Variants in VTI1A observed in about 807,000 individuals in gnomAD.
VTI1A encodes vesicle transport through interaction with t-SNAREs homolog 1A.
In VTI1A, 22 loss-of-function variants were observed where a neutral mutation model predicts 34.9. The observed-to-expected ratio is 0.63, with a 90% CI of 0.45 to 0.90. The LOEUF is 0.90. Among genes scored for constraint, VTI1A ranks in the 40% least tolerant of loss-of-function variants. The probability of loss-of-function intolerance (pLI) is 0.00; values close to 1 mark genes in which losing one functional copy is unlikely to be tolerated. For missense variants in VTI1A, 268 were observed against 275.6 expected (o/e 0.97, Z 0.20); for synonymous variants, 87 against 97.3 (o/e 0.89, Z 0.62).
chr10:112,524,726 T>C (rs1850158976), intron 3 of VTI1A, among the ~76,000 whole-genome samples: 1 of 152,192 alleles, frequency 6.6e-6, no homozygotes, highest in African/African-American at 2.4e-5. Flanking sequence ...TGCCAATTTG[T>C]TGGTATTTTG....
At chr10:112,806,041 G>A (rs1195780074) in intron 7 of VTI1A, among the ~76,000 whole-genome samples, 1 of 152,174 alleles carries the variant, frequency 6.6e-6, no homozygotes, top group Admixed American at 6.5e-5. Context: ...AGCGACTCCA[G>A]TCCTCACTCA....
intron 5 of VTI1A, among the ~76,000 whole-genome samples, chr10:112,652,207 A>G (rs1202306909): frequency 1.3e-5 from 2 of 152,240 alleles, no homozygotes; most frequent in African/African-American, 4.8e-5. Flanking sequence ...GAGTGAAATC[A>G]AAGCCTCCCA....
In VTI1A at chr10:112,528,905, A is replaced by C. The variant is rs560058753; in HGVS notation, c.342+1741A>C. ...AACGTGTTCACTTCTCTTAATGGAC[A>C]TTTTATATGCCTAAAACATTTGCCT... On this transcript the variant is annotated intron_variant, in intron 4 of 7. Coordinates refer to ENST00000393077, the MANE Select transcript of VTI1A (RefSeq NM_145206.4). Among the ~76,000 whole-genome samples the C allele has an allele frequency of 1.5e-4, 23 of 152,098 alleles. 1 individual carries two copies. The highest frequency in any genetic ancestry group is 2.8e-4 in the Non-Finnish European group (19 of 67,982).
At chr10:112,631,487 G>C (rs1342567159) in intron 5 of VTI1A, among the ~76,000 whole-genome samples, 1 of 152,090 alleles carries the variant, frequency 6.6e-6, no homozygotes, top group East Asian at 1.9e-4. Context: ...ATCTATTCTG[G>C]ATATTCCAAA....
chr10:112,482,513 G>A (rs1434334307), intron 3 of VTI1A, among the ~76,000 whole-genome samples: 6 of 152,150 alleles, frequency 3.9e-5, no homozygotes, highest in South Asian at 2.1e-4. Context: ...AAAAATGGCC[G>A]TAGATGGCAC....
intron 3 of VTI1A, among the ~76,000 whole-genome samples, chr10:112,501,393 T>C (rs544140218): frequency 6.8e-4 from 104 of 151,992 alleles, no homozygotes; most frequent in African/African-American, 2.4e-3. Context: ...CATGGTAAGC[T>C]ATTTTAGTAA....
At chr10:112,566,082 G>A (rs541080090) in intron 5 of VTI1A, among the ~76,000 whole-genome samples, 8 of 151,880 alleles carry the variant, frequency 5.3e-5, no homozygotes, top group Non-Finnish European at 2.9e-5. Flanking sequence ...ATATGTGCTT[G>A]GAAACTTTAC....
At chr10:112,565,877 TAA>T (rs1225577813) in intron 5 of VTI1A, among the ~76,000 whole-genome samples, 3 of 152,174 alleles carry the variant, frequency 2.0e-5, no homozygotes, top group African/African-American at 4.8e-5. Flanking sequence ...ACCTCATTTT[TAA>T]AAGTTTTTAT....
chr10:112,636,413 A>G (rs1359320981), intron 5 of VTI1A, among the ~76,000 whole-genome samples: 1 of 152,146 alleles, frequency 6.6e-6, no homozygotes, highest in African/African-American at 2.4e-5. Flanking sequence ...TATGGTGAGT[A>G]TCCCATTTTG....
chr10:112,819,124 C>T (rs543269256), downstream of VTI1A, among the ~76,000 whole-genome samples: 9 of 152,290 alleles, frequency 5.9e-5, no homozygotes, highest in Admixed American at 2.6e-4. Context: ...ACCTGTTCAG[C>T]AGGCGTTCTT....
At chr10:112,710,981 G>T (rs1451077105) in intron 7 of VTI1A, among the ~76,000 whole-genome samples, 4 of 152,050 alleles carry the variant, frequency 2.6e-5, no homozygotes, top group African/African-American at 9.7e-5. Flanking sequence ...TCATTTAATG[G>T]GCAGTTTTAA....
intron 7 of VTI1A, among the ~76,000 whole-genome samples, chr10:112,791,188 A>T: frequency 6.6e-6 from 1 of 152,190 alleles, no homozygotes; most frequent in East Asian, 1.9e-4. Context: ...AAAATGCCCT[A>T]GTCATCAGGT....
intron 7 of VTI1A, among the ~76,000 whole-genome samples, chr10:112,724,208 A>C (rs1479273073): frequency 6.6e-6 from 1 of 152,160 alleles, no homozygotes; most frequent in Non-Finnish European, 1.5e-5. Context: ...TATTGCCTTT[A>C]ACCAAGCCCT....
chr10:112,551,221 G>A (rs1479703631), intron 5 of VTI1A, among the ~76,000 whole-genome samples: 1 of 143,586 alleles, frequency 7.0e-6, no homozygotes, highest in African/African-American at 2.6e-5. Context: ...TCCAGCCTGG[G>A]CGGCACAGCG....
At chr10:112,660,879 C>T (rs1203624955) in intron 5 of VTI1A, among the ~76,000 whole-genome samples, 1 of 152,188 alleles carries the variant, frequency 6.6e-6, no homozygotes, top group Non-Finnish European at 1.5e-5. Flanking sequence ...ATCTTTTGTG[C>T]TAGTTTTCAT....
At chr10:112,631,765 G>T (rs1846139055) in intron 5 of VTI1A, among the ~76,000 whole-genome samples, 1 of 152,166 alleles carries the variant, frequency 6.6e-6, no homozygotes, top group Admixed American at 6.5e-5. Context: ...GGAACAAAAG[G>T]TCTTCAGTTC....
chr10:112,586,508 A>G (rs1844166200), intron 5 of VTI1A, among the ~76,000 whole-genome samples: 1 of 152,202 alleles, frequency 6.6e-6, no homozygotes, highest in Non-Finnish European at 1.5e-5. Context: ...TATTTTCAAC[A>G]GAGACCCACT....
At chr10:112,827,239 C>A in the VTI1A span, 1 of 152,188 alleles carries the variant, frequency 6.6e-6, no homozygotes, top group Non-Finnish European at 1.5e-5. Context: ...CTCCGTGTAA[C>A]TGAGCGATCG....
At chr10:112,519,699 C>T (rs756039426) in intron 3 of VTI1A, among the ~76,000 whole-genome samples, 1 of 152,028 alleles carries the variant, frequency 6.6e-6, no homozygotes, top group Non-Finnish European at 1.5e-5. Flanking sequence ...CTTGTTCTGC[C>T]TCATCTTTCC....
Sources: allele counts gnomAD v4.1 joint callset (sites outside exome capture counted in the v4.1 genomes callset), GRCh38; gene constraint gnomAD v4.1.1; transcripts MANE v1.5; gene names NCBI Gene and HGNC (gene_info 2026-07-23, HGNC 2026-07-21).